Variants in PHF20 observed in about 807,000 individuals in gnomAD.
PHF20 encodes PHD finger protein 20, also known as glioma-expressed antigen 2.
PHF20 carries 23 observed loss-of-function variants against 113.5 expected under a neutral mutation model. The ratio of observed to expected loss-of-function variants is 0.20; its 90% CI spans 0.15 to 0.29. PHF20 has a LOEUF of 0.29. PHF20 is among the 10% of genes least tolerant of loss of function. PHF20 has a pLI of 1.00. For synonymous variants in PHF20, 434 were observed against 457.3 expected, an observed-to-expected ratio of 0.95 and a Z score of 0.65; for missense variants, 943 against 1,219.6, an observed-to-expected ratio of 0.77 and a Z score of 3.38.
At chr20:35,836,626 CG>C (rs967795518) in intron 2 of PHF20, among the ~76,000 whole-genome samples, 23 of 151,772 alleles carry the variant, frequency 1.5e-4, no homozygotes, top group Middle Eastern at 3.4e-3. Flanking sequence ...GGGCGGATCA[CG>C]AGGTCAGGAG....
At chr20:35,911,581 A>G (rs1293819389) in intron 10 of PHF20, among the ~76,000 whole-genome samples, 1 of 152,226 alleles carries the variant, frequency 6.6e-6, no homozygotes, top group African/African-American at 2.4e-5. Flanking sequence ...TCTTGTTGAT[A>G]TCTAAAAAGT....
intron 2 of PHF20, among the ~76,000 whole-genome samples, chr20:35,832,596 A>T (rs1346708857): frequency 6.6e-6 from 1 of 152,180 alleles, no homozygotes; most frequent in Non-Finnish European, 1.5e-5. Context: ...GAGGATAAGG[A>T]TGTTGCCTGG....
rs566632350 is a variant in PHF20, at chr20:35,938,701, C to T, written c.2305C>T (p.Arg769Trp). The change falls in exon 16 of 18, where the codon CGG becomes TGG. Residue 769 changes from arginine to tryptophan, a missense_variant. By Grantham distance (101) the Arg-to-Trp change is moderately radical. This residue lies in a region of PHF20 where 349 missense variants were observed against 412.3 expected (regional missense o/e 0.85). Transcript: ENST00000374012. ...LQLKMSILQSREHPDLPLWCQ... is the reference protein window; with the variant it reads ...LQLKMSILQSWEHPDLPLWCQ... ...TCCTCTTTGTCCTCTCAACAGAAGCCGGGAGCATCCTGATCTGCCGCTGTG... is the reference window on the plus strand; with the variant it reads ...TCCTCTTTGTCCTCTCAACAGAAGCTGGGAGCATCCTGATCTGCCGCTGTG... 16 of 1,603,926 alleles carry T rather than the reference C, an allele frequency of 1.0e-5. No homozygotes were observed. The highest frequency in any genetic ancestry group is 4.5e-5 in the East Asian group (2 of 44,848).
intron 10 of PHF20, among the ~76,000 whole-genome samples, chr20:35,904,767 C>CCTTCCTTCCTTCCTTCCT (rs1555799927): frequency 8.0e-6 from 1 of 125,614 alleles, no homozygotes; most frequent in Non-Finnish European, 1.6e-5. Context: ...GATTTCTTTT[C>CCTTCCTTCCTTCCTTCCT]TCCTTCCTTC....
intron 13 of PHF20, among the ~76,000 whole-genome samples, chr20:35,927,503 C>G (rs1407690644): frequency 6.6e-6 from 1 of 152,180 alleles, no homozygotes; most frequent in Non-Finnish European, 1.5e-5. Flanking sequence ...ATAATTCAAA[C>G]TCAGCTTTAA....
intron 2 of PHF20, among the ~76,000 whole-genome samples, chr20:35,823,076 A>G (rs1046250394): frequency 1.3e-5 from 2 of 151,962 alleles, no homozygotes; most frequent in East Asian, 1.9e-4. Flanking sequence ...GTATATGTGT[A>G]TGTTACACAT....
rs56802422 is a variant in PHF20 at position 35,816,694 on chromosome 20, C to T, written c.83+15089C>T. On this transcript the variant is annotated intron_variant, in intron 2 of 17. Coordinates refer to ENST00000374012, the MANE Select transcript of PHF20 (RefSeq NM_016436.5). ...GTCTTGAACTCCTGACCTTATGATT[C>T]GCCCGCCTCAGCCTCCGAAAGTGCT... Among the ~76,000 whole-genome samples the T allele has an allele frequency of 2.6e-3, 398 of 152,032 alleles. 10 individuals are homozygous for T. The East Asian group carries it at 0.072, about 28-fold the overall frequency.
At chr20:35,806,889 G>A (rs1039670117) in intron 2 of PHF20, among the ~76,000 whole-genome samples, 4 of 147,722 alleles carry the variant, frequency 2.7e-5, no homozygotes, top group East Asian at 4.1e-4. Flanking sequence ...TCCGCCTCCC[G>A]GGTTCACGCC....
intron 9 of PHF20, among the ~76,000 whole-genome samples, chr20:35,875,440 T>C (rs2054503658): frequency 6.6e-6 from 1 of 152,002 alleles, no homozygotes; most frequent in Non-Finnish European, 1.5e-5. Context: ...GAAGTATTCA[T>C]TCCTAGCTCA....
intron 3 of PHF20, 152 bp downstream of exon 3, chr20:35,842,896 G>A: frequency 1.5e-6 from 1 of 653,214 alleles, no homozygotes; most frequent in Non-Finnish European, 2.6e-6. Context: ...TGGGGCTCTT[G>A]AAGAATCCCA....
intron 2 of PHF20, chr20:35,802,103 T>G (rs2041791025): frequency 6.5e-6 from 1 of 153,550 alleles, no homozygotes; most frequent in African/African-American, 2.4e-5. Context: ...TAGTCCCAGC[T>G]GTGTCATTGA....
chr20:35,897,766 A>G (rs914595190), intron 9 of PHF20, among the ~76,000 whole-genome samples: 4 of 151,726 alleles, frequency 2.6e-5, no homozygotes, highest in Non-Finnish European at 5.9e-5. Flanking sequence ...ACAGGGTTTC[A>G]CCATGTTAGC....
At chr20:35,912,567 C>A (rs528587201) in intron 10 of PHF20, among the ~76,000 whole-genome samples, 32 of 152,260 alleles carry the variant, frequency 2.1e-4, no homozygotes, top group Admixed American at 3.3e-4. Context: ...TGCGGTGGCT[C>A]ACACCTATAA....
chr20:35,904,706 C>T (rs907753346), intron 10 of PHF20, among the ~76,000 whole-genome samples: 2 of 151,908 alleles, frequency 1.3e-5, no homozygotes, highest in Non-Finnish European at 2.9e-5. Flanking sequence ...ATCTTAGTAG[C>T]AACCTGCCAC....
chr20:35,810,935 A>G (rs901922906), intron 2 of PHF20, among the ~76,000 whole-genome samples: 2 of 152,042 alleles, frequency 1.3e-5, no homozygotes, highest in African/African-American at 4.8e-5. Flanking sequence ...AGTAGATAGT[A>G]TTGCTGCAAG....
rs1192002262 is a variant in PHF20, at chr20:35,913,302, G to C, written c.1615G>C (p.Val539Leu). The change falls in exon 11 of 18, where the codon GTG becomes CTG. Residue 539 changes from valine (V) to leucine (L), a missense_variant. This residue lies in a region of PHF20 where 592 missense variants were observed against 787.2 expected (regional missense o/e 0.75). Coordinates refer to ENST00000374012, the MANE Select transcript of PHF20 (RefSeq NM_016436.5). ...GAAGAAATTCAAGGAGTTTGTGAGA[G>C]TGAAGCCAAAGAAGAAAAAGAAAAA... ...KEKKFKEFVR[V>L]KPKKKKKKKK... is the part of the protein sequence containing the mutation. 6 of 1,603,630 alleles carry C rather than the reference G, an allele frequency of 3.7e-6. No individual in the cohort carries two copies. The highest frequency in any genetic ancestry group is 5.1e-6 in the Non-Finnish European group (6 of 1,175,380).
chr20:35,846,073 G>A lies in PHF20; in HGVS notation c.256-1277G>A, dbSNP rs1041929517. 7.9e-5 allele frequency among the ~76,000 whole-genome samples: 12 copies of A among 151,728 alleles called. No homozygotes were observed. In the South Asian group the frequency reaches 2.3e-3, roughly 29 times the overall value. ...AGCCACTGTGTCCGGCTTATTTTCT[G>A]TTTTAACCCTATTAGGGAACTTGAA... On this transcript the variant is annotated intron_variant, in intron 3 of 17. Coordinates refer to ENST00000374012, the MANE Select transcript of PHF20 (RefSeq NM_016436.5).
chr20:35,863,316 G>A lies in PHF20; in HGVS notation c.724G>A (p.Glu242Lys). ...AGATGCCCAAGTGGATAAGAAACCTGAAAATGACATTGTGAAGAGTCCACA... is the reference window on the plus strand; with the variant it reads ...AGATGCCCAAGTGGATAAGAAACCTAAAAATGACATTGTGAAGAGTCCACA... The part of the protein sequence containing the change: ...SGDAQVDKKP[E>K]NDIVKSPQEN... Residue 242 changes from glutamate to lysine, a missense_variant, in exon 6 of 18, where the codon GAA (glutamate) becomes AAA (lysine). Around this residue, in one of 3 missense-constraint regions of PHF20, gnomAD observed 592 missense variants for 787.2 expected, o/e 0.75. Transcript: ENST00000374012. The A allele has an allele frequency of 6.2e-7, 1 of 1,614,004 alleles. No homozygotes were observed. Among genetic ancestry groups the A allele is most frequent in the Non-Finnish European group, 8.5e-7 (1 of 1,179,988 alleles).
chr20:35,798,466 T>C (rs549283978), intron 1 of PHF20, among the ~76,000 whole-genome samples: 4 of 152,162 alleles, frequency 2.6e-5, no homozygotes, highest in African/African-American at 4.8e-5. Flanking sequence ...CTTTTCTTTT[T>C]TTTTTGAGAC....
Sources: allele counts gnomAD v4.1 joint callset (sites outside exome capture counted in the v4.1 genomes callset), GRCh38; gene constraint gnomAD v4.1.1; regional missense constraint gnomAD v4.1.1; transcripts MANE v1.5; gene names NCBI Gene and HGNC (gene_info 2026-07-23, HGNC 2026-07-21).